TSPAN8: variants seen among roughly 807,000 people sequenced by gnomAD.
TSPAN8 encodes tetraspanin 8.
A neutral mutation model predicts 32.8 loss-of-function variants in TSPAN8; 21 were observed. The observed-to-expected ratio is 0.64, with a 90% CI of 0.45 to 0.92. The LOEUF is 0.92. Among genes scored for constraint, TSPAN8 ranks in the 40% least tolerant of loss-of-function variants. The probability of loss-of-function intolerance (pLI) is 0.00; values close to 1 mark genes in which losing one functional copy is unlikely to be tolerated. For synonymous variants in TSPAN8, 95 were observed against 94.6 expected (o/e 1.00, Z -0.03); for missense variants, 269 against 281.9 (o/e 0.95, Z 0.33).
chr12:71,151,273 C>T (rs532577946), intron 2 of TSPAN8, among the ~76,000 whole-genome samples: 21 of 152,128 alleles, frequency 1.4e-4, no homozygotes, highest in African/African-American at 4.1e-4. Context: ...CCGTGTTAGC[C>T]GGGATGGTCT....
intron 6 of TSPAN8, among the ~76,000 whole-genome samples, chr12:71,135,271 G>C (rs1871652821): frequency 4.4e-5 from 4 of 90,340 alleles, no homozygotes; most frequent in Admixed American, 3.9e-4. Context: ...AAGAGGAGGA[G>C]GAGAAGGAAG....
intron 3 of TSPAN8, among the ~76,000 whole-genome samples, chr12:71,142,869 AGAGT>A (rs1871950485): frequency 1.3e-5 from 2 of 151,776 alleles, no homozygotes; most frequent in Admixed American, 1.3e-4. Context: ...AAACAGAGAT[AGAGT>A]GAGAAAGAAA....
Position 71,139,707 on chromosome 12 carries a change from T to C in TSPAN8, c.261+4A>G. 6.2e-7 allele frequency: 1 copy of C among 1,613,056 alleles called. No homozygotes were observed. Among genetic ancestry groups the C allele is most frequent in the Non-Finnish European group, 8.5e-7 (1 of 1,179,396 alleles). ...GGACACTGGGATTTGTTTGGAGAAC[T>C]CACCAACAGAAGCATGCAGCGACTT... On this transcript the variant is annotated splice_donor_region_variant and intron_variant, in intron 4 of 8. Coordinates refer to ENST00000247829, the MANE Select transcript of TSPAN8 (RefSeq NM_004616.3).
intron 2 of TSPAN8, among the ~76,000 whole-genome samples, chr12:71,149,918 C>T (rs1200386747): frequency 6.6e-6 from 1 of 152,156 alleles, no homozygotes; most frequent in East Asian, 1.9e-4. Context: ...TATTTTTCTT[C>T]TTGCAGAGAG....
chr12:71,146,012 A>T (rs1872065800), intron 2 of TSPAN8, among the ~76,000 whole-genome samples: 1 of 152,162 alleles, frequency 6.6e-6, no homozygotes, highest in African/African-American at 2.4e-5. Flanking sequence ...TTTTCAAGGT[A>T]TTTAGATATC....
In TSPAN8 at chr12:71,147,139, T is replaced by A. The variant is rs567301350; in HGVS notation, c.61-2926A>T. On this transcript the variant is annotated intron_variant, in intron 2 of 8. Transcript: ENST00000247829. The stretch of plus-strand genomic sequence containing the variant: ...TGTTTAAGCCACCCAGTCTACAGTA[T>A]CTTGTTATGAGAGCCCAAGCAGATG... 9.2e-5 allele frequency among the ~76,000 whole-genome samples: 14 copies of A among 152,070 alleles called. No homozygotes were observed. In the South Asian group the frequency reaches 1.9e-3, roughly 20 times the overall value.
At chr12:71,142,211 C>T (rs1460548186) in intron 3 of TSPAN8, among the ~76,000 whole-genome samples, 2 of 152,112 alleles carry the variant, frequency 1.3e-5, no homozygotes, top group Non-Finnish European at 2.9e-5. Flanking sequence ...CAGACACTGG[C>T]TTTTGTTCAG....
At chr12:71,128,254 T>C (rs550301815) in intron 8 of TSPAN8, among the ~76,000 whole-genome samples, 1 of 152,216 alleles carries the variant, frequency 6.6e-6, no homozygotes, top group Admixed American at 6.5e-5. Context: ...AACCTTTCTC[T>C]AATAGCTGCC....
chr12:71,141,182 C>T (rs1871891871), intron 3 of TSPAN8, among the ~76,000 whole-genome samples: 1 of 152,278 alleles, frequency 6.6e-6, no homozygotes, highest in Admixed American at 6.5e-5. Context: ...ATTGGGTCAA[C>T]CTCTGTGATA....
At chr12:71,127,660 A>C (rs1387430790) in intron 8 of TSPAN8, among the ~76,000 whole-genome samples, 1 of 152,226 alleles carries the variant, frequency 6.6e-6, no homozygotes, top group Non-Finnish European at 1.5e-5. Flanking sequence ...AATACATGGA[A>C]TATAACAATT....
intron 6 of TSPAN8, among the ~76,000 whole-genome samples, chr12:71,137,606 A>C (rs1237516025): frequency 1.5e-4 from 2 of 13,566 alleles, no homozygotes; most frequent in Non-Finnish European, 3.7e-4. Context: ...TCCCCCCCCA[A>C]AAAAAAGGGG....
Position 71,129,422 on chromosome 12 carries a change from A to G in TSPAN8, c.577-8T>C. On this transcript the variant is annotated splice_region_variant and splice_polypyrimidine_tract_variant and intron_variant, in intron 7 of 8. Transcript: ENST00000247829. ...TATGAAAGAAATACAGGTCTGTTAA[A>G]AAAAAAAAACATTAAAAGTTACCTC... 7.4e-7 allele frequency: 1 copy of G among 1,360,214 alleles called. No homozygotes were observed. The highest frequency in any genetic ancestry group is 9.8e-7 in the Non-Finnish European group (1 of 1,020,110). 84.3% of individuals were successfully genotyped at this position (1,360,214 alleles called of 1,614,324 possible). A position where few individuals can be genotyped will look rare whatever the true frequency, so the allele number is the denominator to read the frequency against.
In TSPAN8 at chr12:71,125,388, C is replaced by G; in HGVS notation, c.661-1G>C. On this transcript the variant is annotated splice_acceptor_variant, in intron 8 of 8. Coordinates refer to ENST00000247829, the MANE Select transcript of TSPAN8 (RefSeq NM_004616.3). LOFTEE classifies it high-confidence loss of function. ...CCATAGAAAACACCAAACCCAGTAT[C>G]TAGAGAACAAAATAACAGGATTAAC... The G allele has an allele frequency of 6.2e-7, 1 of 1,610,588 alleles. No individual in the cohort carries two copies. The highest frequency in any genetic ancestry group is 8.5e-7 in the Non-Finnish European group (1 of 1,178,706).
At chr12:71,143,256 G>T (rs975921360) in intron 3 of TSPAN8, among the ~76,000 whole-genome samples, 3 of 152,264 alleles carry the variant, frequency 2.0e-5, no homozygotes, top group Admixed American at 2.0e-4. Flanking sequence ...GGAGAGAAAA[G>T]AATAAAAGCA....
At position 71,138,231 on chromosome 12, in the gene TSPAN8, C is replaced by A. The variant is rs1205995674; in HGVS notation, c.262-1G>T. 6.2e-7 allele frequency: 1 copy of A among 1,613,088 alleles called. No homozygotes were observed. Among genetic ancestry groups the A allele is most frequent in the Non-Finnish European group, 8.5e-7 (1 of 1,179,736 alleles). ...GGATCAGAAGCAAGCCTATGAAAAA[C>A]TGAAGAAGAGAAAAAGAAATATACA... On this transcript the variant is annotated splice_acceptor_variant, in intron 4 of 8. Transcript: ENST00000247829. LOFTEE classifies it high-confidence loss of function.
intron 8 of TSPAN8, among the ~76,000 whole-genome samples, chr12:71,129,110 T>C (rs1367371887): frequency 6.6e-6 from 1 of 152,056 alleles, no homozygotes; most frequent in Non-Finnish European, 1.5e-5. Context: ...AGCAAGAATC[T>C]CAACCCTGCT....
intron 6 of TSPAN8, among the ~76,000 whole-genome samples, chr12:71,134,987 A>G (rs1871633984): frequency 6.6e-6 from 1 of 152,202 alleles, no homozygotes; most frequent in Non-Finnish European, 1.5e-5. Flanking sequence ...ATAATGAGCA[A>G]GAATCCGAAA....
At chr12:71,152,487 T>C (rs1872288175) in intron 2 of TSPAN8, among the ~76,000 whole-genome samples, 1 of 152,208 alleles carries the variant, frequency 6.6e-6, no homozygotes, top group Admixed American at 6.5e-5. Context: ...TTTATATATA[T>C]TAACTTATTT....
chr12:71,125,361 G>A lies in TSPAN8; in HGVS notation c.687C>T (p.Val229=). Residue 229 remains valine, a synonymous_variant, in exon 9 of 9, where the codon GTC becomes GTT. Transcript: ENST00000247829. ...IEILGLVFSM[V]LYCQIGNK ...ATTTGTTCCCGATCTGGCAATACAGGACCATAGAAAACACCAAACCCAGTA... is the reference window on the plus strand; with the variant it reads ...ATTTGTTCCCGATCTGGCAATACAGAACCATAGAAAACACCAAACCCAGTA... 3 of 1,612,754 alleles carry A rather than the reference G, an allele frequency of 1.9e-6. No individual in the cohort carries two copies. The highest frequency in any genetic ancestry group is 2.5e-6 in the Non-Finnish European group (3 of 1,179,448).
Sources: allele counts gnomAD v4.1 joint callset (sites outside exome capture counted in the v4.1 genomes callset), GRCh38; gene constraint gnomAD v4.1.1; transcripts MANE v1.5; gene names NCBI Gene and HGNC (gene_info 2026-07-23, HGNC 2026-07-21).